SRSF12: variants seen among roughly 807,000 people sequenced by gnomAD.
SRSF12 encodes the protein serine/arginine-rich splicing factor 12.
A neutral mutation model predicts 34.1 loss-of-function variants in SRSF12; 21 were observed. That is an observed-to-expected ratio of 0.62 (90% CI 0.44 to 0.89). The LOEUF is 0.89. Ranked by LOEUF, SRSF12 falls within the 40% of genes least tolerant of loss-of-function variation. The pLI is 0.00. For synonymous variants in SRSF12, 111 were observed against 110.8 expected (o/e 1.00, Z -0.01); for missense variants, 278 against 327.8 (o/e 0.85, Z 1.17).
At chr6:89,103,331 CTT>C (rs554480396) in intron 4 of SRSF12, among the ~76,000 whole-genome samples, 24 of 141,296 alleles carry the variant, frequency 1.7e-4, no homozygotes, top group Admixed American at 2.8e-4. Flanking sequence ...AATTTAAATT[CTT>C]TTTTTTTTTT....
chr6:89,099,499 TGTGTGTATATATATATAC>T (rs1189647015), intron 4 of SRSF12, among the ~76,000 whole-genome samples: 39 of 85,564 alleles, frequency 4.6e-4, no homozygotes, highest in Admixed American at 1.9e-3. Flanking sequence ...TATATATATA[TGTGTGTATATATATATAC>T]ACACACACAC....
chr6:89,117,893 C>A lies in SRSF12; in HGVS notation c.-6G>T. On this transcript the variant is annotated 5_prime_UTR_variant, in exon 1 of 5. Coordinates refer to ENST00000452027, the MANE Select transcript of SRSF12 (RefSeq NM_080743.5). ...GGCCTCGTGTAGCGAGACATGACCG[C>A]TTCCTCCGTTCCCTCCGGGTCTGCC... is the stretch of plus-strand genomic sequence containing the variant. The A allele has an allele frequency of 1.9e-6, 3 of 1,560,696 alleles. No individual in the cohort carries two copies. Among genetic ancestry groups the A allele is most frequent in the Non-Finnish European group, 1.7e-6 (2 of 1,156,136 alleles).
rs144235860 is a variant in SRSF12, at chr6:89,096,977, G to A, written c.*1601C>T. On this transcript the variant is annotated 3_prime_UTR_variant, in exon 5 of 5. Transcript: ENST00000452027. ...GAATAATTCAAAGAGTTGTAGTTTT[G>A]AAATAAATTTTGCTATGATTAGAGA... 2.6e-5 allele frequency: 4 copies of A among 152,218 alleles called. No individual in the cohort carries two copies. The East Asian group carries it at 7.7e-4, about 29-fold the overall frequency. The allele number at this position is 152,218 out of a possible 1,614,324, so 9.4% of individuals were successfully genotyped here.
At chr6:89,110,901 A>G (rs78931194) in intron 1 of SRSF12, among the ~76,000 whole-genome samples, 9,540 of 152,112 alleles carry the variant, frequency 0.063, 870 homozygotes, top group African/African-American at 0.2. Flanking sequence ...GGACTACTTG[A>G]GCCCAGGAGT....
chr6:89,117,869 G>T lies in SRSF12; in HGVS notation c.19C>A (p.Pro7Thr). 1 of 1,562,302 alleles carries T rather than the reference G, an allele frequency of 6.4e-7. No individual in the cohort carries two copies. The highest frequency in any genetic ancestry group is 2.6e-5 in the East Asian group (1 of 37,890). The change falls in exon 1 of 5, where the codon CCC becomes ACC. Residue 7 changes from proline (P) to threonine (T), a missense_variant. Coordinates refer to ENST00000452027, the MANE Select transcript of SRSF12 (RefSeq NM_080743.5). ...CTGATGAACAGGGAGGTGTTGGGGG[G>T]CCTCGTGTAGCGAGACATGACCGCT... MSRYTR[P>T]PNTSLFIRNV...
intron 1 of SRSF12, among the ~76,000 whole-genome samples, chr6:89,115,809 T>TG (rs61395546): frequency 0.72 from 108,498 of 151,172 alleles, 39,037 homozygotes; most frequent in East Asian, 0.84. Context: ...TCTAATTTTT[T>TG]TATTTTTAGT....
chr6:89,104,609 G>T (rs925725677), intron 4 of SRSF12, among the ~76,000 whole-genome samples: 1 of 151,770 alleles, frequency 6.6e-6, no homozygotes, highest in African/African-American at 2.4e-5. Flanking sequence ...ATAAAGTTAA[G>T]TCTGTAACTT....
At position 89,098,504 on chromosome 6, in the gene SRSF12, A is replaced by C; in HGVS notation, c.*74T>G. The C allele has an allele frequency of 7.4e-6, 11 of 1,493,324 alleles. No individual in the cohort carries two copies. The highest frequency in any genetic ancestry group is 8.9e-6 in the Non-Finnish European group (10 of 1,123,468). 92.5% of individuals were successfully genotyped at this position (1,493,324 alleles called of 1,614,324 possible). A position where few individuals can be genotyped will look rare whatever the true frequency, so the allele number is the denominator to read the frequency against. On this transcript the variant is annotated 3_prime_UTR_variant, in exon 5 of 5. Transcript: ENST00000452027. ...CAACTCGCATTTTCTGTATGCCTTA[A>C]AGAATTTTTATTTAACATAATGAGA...
intron 1 of SRSF12, among the ~76,000 whole-genome samples, chr6:89,110,655 G>A (rs1769003669): frequency 6.6e-6 from 1 of 152,152 alleles, no homozygotes; most frequent in South Asian, 2.1e-4. Context: ...TCAGTTCTAG[G>A]AAGTCACTGT....
chr6:89,098,644 T>A lies in SRSF12; in HGVS notation c.720A>T (p.Thr240=). 6.2e-7 allele frequency: 1 copy of A among 1,614,038 alleles called. No homozygotes were observed. The highest frequency in any genetic ancestry group is 8.5e-7 in the Non-Finnish European group (1 of 1,179,880). Residue 240 remains threonine, a synonymous_variant, in exon 5 of 5, where the codon ACA becomes ACT. Transcript: ENST00000452027. ...GTGACCGAAAATGAGAATGCTTTGC[T>A]GTTTGTACTTTAGTTTCAGAATTGG... is the stretch of plus-strand genomic sequence containing the variant. ...GYTNSETKVQ[T]AKHSHFRSHS...
At chr6:89,117,660 G>GAGT (rs1191369528) in intron 1 of SRSF12, among the ~76,000 whole-genome samples, 163 bp downstream of exon 1, 2 of 152,040 alleles carry the variant, frequency 1.3e-5, no homozygotes, top group African/African-American at 4.8e-5. Context: ...CTGGGCCGCG[G>GAGT]AGTAGTCCGA....
rs1287282415 is a variant in SRSF12, at chr6:89,095,973, T to C, written c.*2605A>G. 6.6e-6 allele frequency: 1 copy of C among 152,198 alleles called. No individual in the cohort carries two copies. Among genetic ancestry groups the C allele is most frequent in the Non-Finnish European group, 1.5e-5 (1 of 68,042 alleles). 9.4% of individuals were successfully genotyped at this position (152,198 alleles called of 1,614,324 possible). On this transcript the variant is annotated 3_prime_UTR_variant, in exon 5 of 5. Transcript: ENST00000452027. ...TCACAGATGTCTAAAATTAAAACGTTTGATTTATTAATAAACAAAGTATCT... is the reference window on the plus strand; with the variant it reads ...TCACAGATGTCTAAAATTAAAACGTCTGATTTATTAATAAACAAAGTATCT...
intron 1 of SRSF12, among the ~76,000 whole-genome samples, chr6:89,110,178 A>G (rs1768978880): frequency 6.6e-6 from 1 of 152,176 alleles, no homozygotes; most frequent in Non-Finnish European, 1.5e-5. Flanking sequence ...TCTGTTACCA[A>G]TGGAGGGTCT....
chr6:89,102,212 T>C (rs1367822678), intron 4 of SRSF12, among the ~76,000 whole-genome samples: 1 of 152,064 alleles, frequency 6.6e-6, no homozygotes, highest in Non-Finnish European at 1.5e-5. Context: ...GGGGCGAGCT[T>C]GGCTCACTGC....
At chr6:89,103,644 G>C (rs1489986011) in intron 4 of SRSF12, among the ~76,000 whole-genome samples, 32 of 150,860 alleles carry the variant, frequency 2.1e-4, no homozygotes. Flanking sequence ...ATTTTTAGTA[G>C]AGACAGGATT....
chr6:89,105,396 T>TAAA, intron 3 of SRSF12, 31 bp downstream of exon 3: 1 of 1,575,094 alleles, frequency 6.3e-7, no homozygotes, highest in South Asian at 1.2e-5. Context: ...TTCTGCTGAA[T>TAAA]AAATAAAATC....
chr6:89,099,038 C>CTA, intron 4 of SRSF12, 91 bp from the exon 5 acceptor site: 1 of 1,408,030 alleles, frequency 7.1e-7, no homozygotes, highest in African/African-American at 1.4e-5. Context: ...CTTTACATAA[C>CTA]ATTAGTTATA....
At chr6:89,107,093 C>CAT in intron 2 of SRSF12, 61 bp downstream of exon 2, 10 of 1,351,348 alleles carry the variant, frequency 7.4e-6, no homozygotes, top group Admixed American at 1.7e-5. Context: ...CTACTGAATA[C>CAT]ATATATGTAT....
chr6:89,113,357 A>C (rs1014760274), intron 1 of SRSF12, among the ~76,000 whole-genome samples: 2 of 152,108 alleles, frequency 1.3e-5, no homozygotes, highest in Non-Finnish European at 2.9e-5. Context: ...TATTTTTAGT[A>C]GACACAGGGT....
Sources: allele counts gnomAD v4.1 joint callset (sites outside exome capture counted in the v4.1 genomes callset), GRCh38; gene constraint gnomAD v4.1.1; transcripts MANE v1.5; gene names NCBI Gene and HGNC (gene_info 2026-07-23, HGNC 2026-07-21).